Variants in L3MBTL4 observed in about 807,000 individuals in gnomAD.
The protein encoded by L3MBTL4 is lethal(3)malignant brain tumor-like protein 4.
In L3MBTL4, 70 loss-of-function variants were observed where a neutral mutation model predicts 84.5. The ratio of observed to expected loss-of-function variants is 0.83; its 90% CI spans 0.68 to 1.01. The LOEUF is 1.01. Among genes scored for constraint, L3MBTL4 ranks in the 50% least tolerant of loss-of-function variants. The pLI is 0.00. For synonymous variants in L3MBTL4, 274 were observed against 259.8 expected, an observed-to-expected ratio of 1.05 and a Z score of -0.52; for missense variants, 715 against 754.8, an observed-to-expected ratio of 0.95 and a Z score of 0.62.
intron 1 of L3MBTL4, among the ~76,000 whole-genome samples, chr18:6,400,209 T>G (rs551183531): frequency 3.9e-5 from 6 of 152,358 alleles, no homozygotes; most frequent in African/African-American, 1.2e-4. Flanking sequence ...TTTGTGAAAC[T>G]AAAACAATTC....
intron 14 of L3MBTL4, among the ~76,000 whole-genome samples, chr18:6,134,142 C>G (rs747493037): frequency 2.6e-5 from 4 of 152,048 alleles, no homozygotes; most frequent in Non-Finnish European, 4.4e-5. Context: ...AGGGAGAAAC[C>G]AAAGCAGAAA....
intron 16 of L3MBTL4, among the ~76,000 whole-genome samples, chr18:6,025,881 G>A (rs1971612): frequency 0.045 from 6,810 of 152,272 alleles, 400 homozygotes; most frequent in Admixed American, 0.16. Flanking sequence ...TTCCTGCTGC[G>A]CAGCCTGGTT....
At chr18:6,156,962 G>A (rs1053358059) in intron 13 of L3MBTL4, among the ~76,000 whole-genome samples, 2 of 152,188 alleles carry the variant, frequency 1.3e-5, no homozygotes, top group African/African-American at 4.8e-5. Flanking sequence ...ATAGAATCAA[G>A]TAAATGGATT....
intron 16 of L3MBTL4, among the ~76,000 whole-genome samples, chr18:6,060,489 T>C (rs531538879): frequency 6.6e-6 from 1 of 152,124 alleles, no homozygotes; most frequent in Admixed American, 6.6e-5. Context: ...ATTTCCCATA[T>C]GCCCCCTTTA....
At chr18:6,024,283 A>G (rs1409034203) in intron 16 of L3MBTL4, among the ~76,000 whole-genome samples, 4 of 152,190 alleles carry the variant, frequency 2.6e-5, no homozygotes, top group Non-Finnish European at 4.4e-5. Context: ...ATGAGAGCAT[A>G]TCCATGCATG....
At chr18:6,141,912 T>C (rs756052915) in intron 13 of L3MBTL4, among the ~76,000 whole-genome samples, 1 of 152,212 alleles carries the variant, frequency 6.6e-6, no homozygotes, top group African/African-American at 2.4e-5. Context: ...ACATGATTTA[T>C]GATTGGACTT....
intron 17 of L3MBTL4, among the ~76,000 whole-genome samples, chr18:5,962,797 G>A (rs912664127): frequency 3.9e-5 from 6 of 152,164 alleles, no homozygotes; most frequent in Non-Finnish European, 7.3e-5. Context: ...AAAGATGAGC[G>A]CAGGAAAATG....
At chr18:6,134,343 C>A (rs1046234721) in intron 14 of L3MBTL4, among the ~76,000 whole-genome samples, 4 of 152,138 alleles carry the variant, frequency 2.6e-5, no homozygotes, top group African/African-American at 9.7e-5. Context: ...ACCCCGGCCC[C>A]TCCAAATCTC....
chr18:6,340,792 A>G (rs1568520073), intron 1 of L3MBTL4, among the ~76,000 whole-genome samples: 1 of 152,122 alleles, frequency 6.6e-6, no homozygotes, highest in Non-Finnish European at 1.5e-5. Context: ...AGTCCCCTAT[A>G]GGTCCCCACA....
chr18:6,394,226 G>T (rs2055178860), intron 1 of L3MBTL4, among the ~76,000 whole-genome samples: 2 of 152,106 alleles, frequency 1.3e-5, no homozygotes, highest in Admixed American at 1.3e-4. Context: ...CCAGCACTTT[G>T]GGAGACCGAG....
Position 6,058,863 on chromosome 18 carries a change from G to T in L3MBTL4, c.1444+22018C>A, listed in dbSNP as rs138680155. 1.8e-3 allele frequency among the ~76,000 whole-genome samples: 274 copies of T among 152,298 alleles called. 1 individual carries two copies. The highest frequency in any genetic ancestry group is 6.3e-3 in the African/African-American group (261 of 41,558). ...AGTTATTACAATTCCCTATCACCTTGCCTGGAATGGTGAGCCTGGAATCCA... is the reference window on the plus strand; with the variant it reads ...AGTTATTACAATTCCCTATCACCTTTCCTGGAATGGTGAGCCTGGAATCCA... On this transcript the variant is annotated intron_variant, in intron 16 of 18. Transcript: ENST00000317931.
chr18:6,022,996 G>C (rs2055339850), intron 16 of L3MBTL4, among the ~76,000 whole-genome samples: 1 of 152,066 alleles, frequency 6.6e-6, no homozygotes, highest in African/African-American at 2.4e-5. Flanking sequence ...TAGGCCTCTG[G>C]TTACTCACTG....
At position 6,031,641 on chromosome 18, in the gene L3MBTL4, G is replaced by C. The variant is rs1297551834; in HGVS notation, c.1444+49240C>G. The C allele has an allele frequency of 4.1e-6, 4 of 966,650 alleles. No homozygotes were observed. In the Admixed American group the frequency reaches 2.5e-4, roughly 59 times the overall value. The allele number at this position is 966,650 out of a possible 1,614,324, so 59.9% of individuals were successfully genotyped here. ...GACATGGCCTTGGCTGGGATGACCAGGGCAGCTGACTCAGCTTCACAGGTC... is the reference window on the plus strand; with the variant it reads ...GACATGGCCTTGGCTGGGATGACCACGGCAGCTGACTCAGCTTCACAGGTC... On this transcript the variant is annotated intron_variant, in intron 16 of 18. Coordinates refer to ENST00000317931, the MANE Select transcript of L3MBTL4 (RefSeq NM_001330559.2).
At chr18:6,383,208 G>A (rs1286318450) in intron 1 of L3MBTL4, among the ~76,000 whole-genome samples, 2 of 152,064 alleles carry the variant, frequency 1.3e-5, no homozygotes, top group Non-Finnish European at 2.9e-5. Flanking sequence ...CTGTGCTGAC[G>A]GCAAGAATTT....
At chr18:6,379,711 C>T (rs1351896847) in intron 1 of L3MBTL4, among the ~76,000 whole-genome samples, 2 of 152,058 alleles carry the variant, frequency 1.3e-5, no homozygotes, top group Admixed American at 6.6e-5. Flanking sequence ...CTGCAGGATT[C>T]GTTTTGCCAG....
chr18:6,405,635 C>T (rs1047737095), intron 1 of L3MBTL4, among the ~76,000 whole-genome samples: 1 of 151,744 alleles, frequency 6.6e-6, no homozygotes, highest in African/African-American at 2.4e-5. Flanking sequence ...AGGGGCTGGG[C>T]GCGAGGGCCC....
intron 14 of L3MBTL4, among the ~76,000 whole-genome samples, chr18:6,104,683 T>C (rs1457115476): frequency 2.0e-5 from 3 of 152,212 alleles, no homozygotes; most frequent in African/African-American, 7.2e-5. Flanking sequence ...AGCAATACTG[T>C]ATTTGTACAT....
rs73938769 is a variant in L3MBTL4 at position 6,145,475 on chromosome 18, G to A, written c.1097-7179C>T. Among the ~76,000 whole-genome samples the A allele has an allele frequency of 8.5e-3, 1,249 of 147,616 alleles. 19 individuals carry two copies. Among genetic ancestry groups the A allele is most frequent in the African/African-American group, 0.03 (1,193 of 39,478 alleles). On this transcript the variant is annotated intron_variant, in intron 13 of 18. Coordinates refer to ENST00000317931, the MANE Select transcript of L3MBTL4 (RefSeq NM_001330559.2). ...ATAGATGAGTTATGGATTGATGTTGGCCAGCATCAAAAAAAAAGAAGAAGA... is the reference window on the plus strand; with the variant it reads ...ATAGATGAGTTATGGATTGATGTTGACCAGCATCAAAAAAAAAGAAGAAGA...
chr18:6,073,865 A>T (rs566498909), intron 16 of L3MBTL4, among the ~76,000 whole-genome samples: 1 of 146,178 alleles, frequency 6.8e-6, no homozygotes, highest in South Asian at 2.1e-4. Flanking sequence ...TTTCTTTGTT[A>T]AAAAAAAACT....
Sources: allele counts gnomAD v4.1 joint callset (sites outside exome capture counted in the v4.1 genomes callset), GRCh38; gene constraint gnomAD v4.1.1; transcripts MANE v1.5; gene names NCBI Gene and HGNC (gene_info 2026-07-23, HGNC 2026-07-21).